Variants in CEACAM5 observed in about 807,000 individuals in gnomAD.
CEACAM5 encodes the protein CEA cell adhesion molecule 5, also known as cell adhesion molecule CEACAM5.
In CEACAM5, 52 loss-of-function variants were observed where a neutral mutation model predicts 63.0. The observed-to-expected ratio is 0.83, with a 90% CI of 0.66 to 1.04. The LOEUF (loss-of-function observed/expected upper bound fraction) is 1.04. Ranked by LOEUF, CEACAM5 falls within the 50% of genes least tolerant of loss-of-function variation. CEACAM5 has a pLI of 0.00. For missense variants in CEACAM5, 790 were observed against 864.8 expected (o/e 0.91, Z 1.08); for synonymous variants, 357 against 351.3 (o/e 1.02, Z -0.18).
In CEACAM5 at chr19:41,730,419, C is replaced by CGAA. The variant is rs2072754919; in HGVS notation, c.*1272_*1273insGAA. Among the ~76,000 whole-genome samples the CGAA allele has an allele frequency of 1.5e-5, 2 of 131,220 alleles. No homozygotes were observed. Among genetic ancestry groups the CGAA allele is most frequent in the Admixed American group, 1.5e-4 (2 of 13,044 alleles). 86.1% of individuals were successfully genotyped at this position (131,220 alleles called of 152,430 possible). On this transcript the variant is annotated 3_prime_UTR_variant, in exon 10 of 10. Coordinates refer to ENST00000221992, the MANE Select transcript of CEACAM5 (RefSeq NM_004363.6). ...CCTGGGAGACAAAGTGAGACTCCGT[C>CGAA]AAAAAAAAAAAAAAGTCTATGTGGT...
At position 41,720,929 on chromosome 19, in the gene CEACAM5, G is replaced by A. The variant is rs147999822; in HGVS notation, c.1779G>A (p.Pro593=). 4,049 of 1,613,890 alleles carry A rather than the reference G, an allele frequency of 2.5e-3. 87 individuals are homozygous for A. In the African/African-American group the frequency reaches 0.045, roughly 18 times the overall value. Residue 593 remains proline (P), a synonymous_variant, in exon 8 of 10, where the codon CCG becomes CCA. Coordinates refer to ENST00000221992, the MANE Select transcript of CEACAM5 (RefSeq NM_004363.6). ...DPVTLDVLYG[P]DTPIISPPDS... ...TTGTTCTCTTTGTTCCAGATGGGCC[G>A]GACACCCCCATCATTTCCCCCCCAG...
intron 2 of CEACAM5, among the ~76,000 whole-genome samples, chr19:41,713,544 A>G (rs2072470367): frequency 6.6e-6 from 1 of 152,208 alleles, no homozygotes; most frequent in Middle Eastern, 3.2e-3. Flanking sequence ...CTCATCCTGC[A>G]TAACTGAAAC....
In CEACAM5 at chr19:41,708,770, C is replaced by G. The variant is rs200391100; in HGVS notation, c.39C>G (p.Ile13Met). The G allele has an allele frequency of 6.8e-6, 11 of 1,611,930 alleles. No homozygotes were observed. Among genetic ancestry groups the G allele is most frequent in the Non-Finnish European group, 9.3e-6 (11 of 1,178,988 alleles). ...CGGCCCCTCCCCACAGATGGTGCAT[C>G]CCCTGGCAGAGGCTCCTGCTCACAG... is the stretch of plus-strand genomic sequence containing the variant. Reference protein sequence around the residue: ...SPSAPPHRWCIPWQRLLLTAS... With the variant: ...SPSAPPHRWCMPWQRLLLTAS... The change falls in exon 1 of 10, where the codon ATC becomes ATG. Residue 13 changes from isoleucine (I) to methionine (M), a missense_variant. Transcript: ENST00000221992.
At chr19:41,722,512 C>T (rs1318198760) in intron 8 of CEACAM5, among the ~76,000 whole-genome samples, 1 of 152,178 alleles carries the variant, frequency 6.6e-6, no homozygotes, top group East Asian at 1.9e-4. Context: ...CTCCCCTAAA[C>T]TCTGGTAATC....
intron 2 of CEACAM5, among the ~76,000 whole-genome samples, chr19:41,713,694 T>G (rs2072472916): frequency 6.6e-6 from 1 of 152,236 alleles, no homozygotes; most frequent in South Asian, 2.1e-4. Context: ...GTGAGTGGCT[T>G]ATTTCATTTA....
At chr19:41,718,037 G>A in intron 5 of CEACAM5, 91 bp from the exon 6 acceptor site, 3 of 1,492,620 alleles carry the variant, frequency 2.0e-6, no homozygotes, top group Non-Finnish European at 2.7e-6. Context: ...TTGTGACTTG[G>A]CTCAGGGGGA....
At chr19:41,718,644 G>A (rs2072567635) in intron 6 of CEACAM5, among the ~76,000 whole-genome samples, 1 of 152,154 alleles carries the variant, frequency 6.6e-6, no homozygotes, top group Non-Finnish European at 1.5e-5. Flanking sequence ...TAGTGGAAGG[G>A]GCTTCACAGA....
At chr19:41,722,612 C>T (rs1206253256) in intron 8 of CEACAM5, among the ~76,000 whole-genome samples, 1 of 152,150 alleles carries the variant, frequency 6.6e-6, no homozygotes, top group Non-Finnish European at 1.5e-5. Flanking sequence ...TGTGTCTGCC[C>T]TATTTCACTT....
chr19:41,725,120 T>G (rs2072680341), intron 8 of CEACAM5, among the ~76,000 whole-genome samples: 1 of 152,156 alleles, frequency 6.6e-6, no homozygotes, highest in Non-Finnish European at 1.5e-5. Context: ...TATGCTGAGG[T>G]GGTTTCCTTC....
Position 41,715,082 on chromosome 19 carries a change from G to A in CEACAM5, c.536G>A (p.Trp179Ter). 1.9e-6 allele frequency: 3 copies of A among 1,614,172 alleles called. No homozygotes were observed. The highest frequency in any genetic ancestry group is 2.5e-6 in the Non-Finnish European group (3 of 1,180,022). The change falls in exon 3 of 10, where the codon TGG becomes TAG. Residue 179 changes from tryptophan (W) to a stop codon, truncating the protein, a stop_gained. Transcript: ENST00000221992. LOFTEE classifies it high-confidence loss of function. ...ACTCAGGACGCAACCTACCTGTGGT[G>A]GGTAAACAATCAGAGCCTCCCGGTC... Reference protein sequence around the residue: ...PETQDATYLWWVNNQSLPVSP... With the variant: ...PETQDATYLW
intron 8 of CEACAM5, among the ~76,000 whole-genome samples, chr19:41,725,806 T>C (rs1555817047): frequency 1.3e-5 from 2 of 152,358 alleles, no homozygotes; most frequent in African/African-American, 2.4e-5. Flanking sequence ...TGTTTTTCAA[T>C]TTTCCATTTT....
chr19:41,719,787 C>A, intron 6 of CEACAM5, 143 bp from the exon 7 acceptor site: 1 of 1,447,964 alleles, frequency 6.9e-7, no homozygotes. Flanking sequence ...CATCGTACAT[C>A]TGTCTTGTGA....
intron 7 of CEACAM5, among the ~76,000 whole-genome samples, chr19:41,720,538 G>A (rs976496156): frequency 3.7e-5 from 5 of 133,442 alleles, no homozygotes; most frequent in East Asian, 4.6e-4. Context: ...ACGGAGTCTC[G>A]CTCTTTCGCC....
rs139587568 is a variant in CEACAM5 at position 41,721,001 on chromosome 19, G to A, written c.1851G>A (p.Ser617=). 6.5e-5 allele frequency: 105 copies of A among 1,613,896 alleles called. No individual in the cohort carries two copies. Among genetic ancestry groups the A allele is most frequent in the South Asian group, 5.2e-4 (47 of 91,056 alleles). The change falls in exon 8 of 10, where the codon TCG becomes TCA. Residue 617 remains serine, a synonymous_variant. Transcript: ENST00000221992. ...SGANLNLSCH[S]ASNPSPQYSW... ...CGAACCTCAACCTCTCCTGCCACTCGGCCTCTAACCCATCCCCGCAGTATT... is the reference window on the plus strand; with the variant it reads ...CGAACCTCAACCTCTCCTGCCACTCAGCCTCTAACCCATCCCCGCAGTATT...
chr19:41,724,242 A>G (rs936091434), intron 8 of CEACAM5, among the ~76,000 whole-genome samples: 3 of 152,198 alleles, frequency 2.0e-5, no homozygotes, highest in Admixed American at 2.0e-4. Flanking sequence ...TCCCCATTAA[A>G]TGGTCTTGGC....
chr19:41,715,545 T>C (rs1227031145), intron 3 of CEACAM5, 105 bp from the exon 4 acceptor site: 3 of 1,449,662 alleles, frequency 2.1e-6, no homozygotes, highest in Admixed American at 1.7e-5. Flanking sequence ...GCTGAGACTT[T>C]AGGATTGTGA....
At chr19:41,714,197 T>C (rs1555814483) in intron 2 of CEACAM5, among the ~76,000 whole-genome samples, 1 of 152,062 alleles carries the variant, frequency 6.6e-6, no homozygotes, top group East Asian at 1.9e-4. Context: ...CAAGACTCCA[T>C]CTCAAAAAAC....
chr19:41,725,636 G>A (rs1555817014), intron 8 of CEACAM5, among the ~76,000 whole-genome samples: 1 of 152,034 alleles, frequency 6.6e-6, no homozygotes, highest in African/African-American at 2.4e-5. Context: ...GTCTCCCAAT[G>A]TGCTGGGATT....
In CEACAM5 at chr19:41,717,706, A is replaced by T. The variant is rs1230182712; in HGVS notation, c.1210A>T (p.Ser404Cys). 6.2e-7 allele frequency: 1 copy of T among 1,614,086 alleles called. No individual in the cohort carries two copies. The highest frequency in any genetic ancestry group is 1.1e-5 in the South Asian group (1 of 91,088). The change falls in exon 5 of 10, where the codon AGC (serine) becomes TGC (cysteine). Residue 404 changes from serine (S) to cysteine (C), a missense_variant. By Grantham distance (112) the Ser-to-Cys change is moderately radical (BLOSUM62 -1). Transcript: ENST00000221992. ...CCAGAACGAATTAAGTGTTGACCAC[A>T]GCGACCCAGTCATCCTGAATGTCCT... ...GIQNELSVDH[S>C]DPVILNVLYG...
Sources: gnomAD v4.1 joint callset for allele counts (sites outside exome capture counted in the v4.1 genomes callset) on GRCh38, gnomAD v4.1.1 for gene constraint, MANE v1.5 for transcripts, NCBI Gene and HGNC (gene_info 2026-07-23, HGNC 2026-07-21) for gene names.